Variants in ADK observed in about 807,000 individuals in gnomAD.
ADK encodes the protein N6,N6-dimethyladenosine kinase.
ADK carries 24 observed loss-of-function variants against 44.7 expected under a neutral mutation model. That is an observed-to-expected ratio of 0.54 (90% CI 0.39 to 0.76). The LOEUF is 0.76. Ranked by LOEUF, ADK falls within the 30% of genes least tolerant of loss-of-function variation. ADK has a pLI of 0.00. For synonymous variants in ADK, 128 were observed against 142.6 expected, an observed-to-expected ratio of 0.90 and a Z score of 0.73; for missense variants, 321 against 425.1, an observed-to-expected ratio of 0.76 and a Z score of 2.15.
chr10:74,558,371 T>G (rs537687721), intron 7 of ADK, among the ~76,000 whole-genome samples: 1 of 152,190 alleles, frequency 6.6e-6, no homozygotes. Flanking sequence ...CTCATCATTT[T>G]CTATCTGGTG....
chr10:74,578,562 C>A (rs1400485281), intron 7 of ADK, among the ~76,000 whole-genome samples: 1 of 151,946 alleles, frequency 6.6e-6, no homozygotes, highest in African/African-American at 2.4e-5. Context: ...TTGCTGTATT[C>A]CAATAAGACT....
At chr10:74,470,358 A>G (rs1846523011) in intron 6 of ADK, among the ~76,000 whole-genome samples, 1 of 151,982 alleles carries the variant, frequency 6.6e-6, no homozygotes, top group African/African-American at 2.4e-5. Flanking sequence ...GCTGATGGAC[A>G]TTTAGATTGC....
rs28612186 is a variant in ADK, at chr10:74,497,143, C to G, written c.556-28113C>G. On this transcript the variant is annotated intron_variant, in intron 6 of 10. Coordinates refer to ENST00000539909, the MANE Select transcript of ADK (RefSeq NM_006721.4). ...CCCCCTCTCTCTTATCTTCTTTACCCTAGTTAAATTATTTCTGCTTTGTCC... is the reference window on the plus strand; with the variant it reads ...CCCCCTCTCTCTTATCTTCTTTACCGTAGTTAAATTATTTCTGCTTTGTCC... 4.0e-3 allele frequency among the ~76,000 whole-genome samples: 611 copies of G among 152,242 alleles called. 7 individuals are homozygous for G. Among genetic ancestry groups the G allele is most frequent in the African/African-American group, 0.014 (570 of 41,546 alleles).
chr10:74,321,471 A>G (rs1186032390), intron 4 of ADK, among the ~76,000 whole-genome samples: 1 of 151,806 alleles, frequency 6.6e-6, no homozygotes, highest in Non-Finnish European at 1.5e-5. Flanking sequence ...TTTTGTAGAG[A>G]TTGGGTTTTG....
At chr10:74,460,578 A>G (rs1846140113) in intron 6 of ADK, among the ~76,000 whole-genome samples, 1 of 152,178 alleles carries the variant, frequency 6.6e-6, no homozygotes, top group Non-Finnish European at 1.5e-5. Context: ...TTTTCTAATA[A>G]TTCAGTTATG....
At chr10:74,467,533 T>G (rs551616283) in intron 6 of ADK, among the ~76,000 whole-genome samples, 113 of 152,268 alleles carry the variant, frequency 7.4e-4, no homozygotes, top group African/African-American at 2.4e-3. Flanking sequence ...ACTTAATACA[T>G]TCATTTCTGC....
intron 6 of ADK, chr10:74,423,572 A>G (rs1271558847): frequency 4.1e-6 from 1 of 246,318 alleles, no homozygotes; most frequent in African/African-American, 2.3e-5. Flanking sequence ...ATTCACGTTC[A>G]TTGCAGTCTT....
At chr10:74,158,481 A>C (rs1841813949) in intron 1 of ADK, among the ~76,000 whole-genome samples, 1 of 152,218 alleles carries the variant, frequency 6.6e-6, no homozygotes, top group Admixed American at 6.5e-5. Context: ...GCAAAATTTG[A>C]ACTGATGTAA....
intron 9 of ADK, among the ~76,000 whole-genome samples, chr10:74,669,306 G>A (rs1457475571): frequency 6.6e-6 from 1 of 152,146 alleles, no homozygotes; most frequent in Non-Finnish European, 1.5e-5. Context: ...TAGCCACTCT[G>A]TCCCCATAGG....
At chr10:74,209,985 A>G (rs1469537922) in intron 2 of ADK, among the ~76,000 whole-genome samples, 1 of 152,140 alleles carries the variant, frequency 6.6e-6, no homozygotes, top group East Asian at 1.9e-4. Flanking sequence ...GAGGAATGAG[A>G]GAATGAATGA....
intron 7 of ADK, among the ~76,000 whole-genome samples, chr10:74,571,254 T>G (rs1258181897): frequency 6.6e-6 from 1 of 152,230 alleles, no homozygotes; most frequent in Non-Finnish European, 1.5e-5. Context: ...ATTCTCTTTT[T>G]TTGTTGTGTC....
At chr10:74,670,045 C>G in intron 9 of ADK, 138 bp from the exon 10 acceptor site, 1 of 735,392 alleles carries the variant, frequency 1.4e-6, no homozygotes, top group Non-Finnish European at 2.4e-6. Flanking sequence ...TCCCAAGTGC[C>G]CCTGTACAGA....
At chr10:74,177,945 ATTTT>A (rs1158811749) in intron 1 of ADK, among the ~76,000 whole-genome samples, 5 of 108,972 alleles carry the variant, frequency 4.6e-5, no homozygotes, top group African/African-American at 1.8e-4. Flanking sequence ...ATATATATAT[ATTTT>A]TTTTTTTTTG....
At chr10:74,690,737 T>C (rs1030520946) in intron 10 of ADK, among the ~76,000 whole-genome samples, 1 of 152,206 alleles carries the variant, frequency 6.6e-6, no homozygotes, top group African/African-American at 2.4e-5. Context: ...TGAGGTGTTA[T>C]GTTATTTTTA....
intron 1 of ADK, among the ~76,000 whole-genome samples, chr10:74,154,130 G>A (rs1841688143): frequency 6.6e-6 from 1 of 152,110 alleles, no homozygotes; most frequent in Non-Finnish European, 1.5e-5. Flanking sequence ...TGGCAGAACT[G>A]GGAGAGAGCT....
At chr10:74,623,466 T>G (rs2134036018) in intron 9 of ADK, among the ~76,000 whole-genome samples, 1 of 152,182 alleles carries the variant, frequency 6.6e-6, no homozygotes, top group Non-Finnish European at 1.5e-5. Flanking sequence ...AAAATGTCCA[T>G]ATATGATCTA....
intron 6 of ADK, among the ~76,000 whole-genome samples, chr10:74,497,619 C>CA (rs557638584): frequency 2.7e-3 from 406 of 151,902 alleles, no homozygotes; most frequent in Non-Finnish European, 4.3e-3. Context: ...AAGAATAAAA[C>CA]AAAAAAGTGA....
At chr10:74,371,275 T>C (rs762168804) in intron 4 of ADK, among the ~76,000 whole-genome samples, 8 of 152,218 alleles carry the variant, frequency 5.3e-5, no homozygotes, top group Non-Finnish European at 8.8e-5. Flanking sequence ...TTTGTGGTAA[T>C]GGTTACAGAA....
At chr10:74,385,058 T>A (rs1383894167) in intron 4 of ADK, among the ~76,000 whole-genome samples, 5 of 152,158 alleles carry the variant, frequency 3.3e-5, no homozygotes, top group Admixed American at 2.6e-4. Flanking sequence ...GGAAATGACA[T>A]CCAATGGGTA....
Sources: allele counts gnomAD v4.1 joint callset (sites outside exome capture counted in the v4.1 genomes callset), GRCh38; gene constraint gnomAD v4.1.1; transcripts MANE v1.5; gene names NCBI Gene and HGNC (gene_info 2026-07-23, HGNC 2026-07-21).